Variants in MAP3K5 observed in about 807,000 individuals in gnomAD.
MAP3K5 encodes the protein mitogen-activated protein kinase kinase kinase 5.
MAP3K5 carries 56 observed loss-of-function variants against 158.7 expected under a neutral mutation model. The observed-to-expected ratio is 0.35, with a 90% confidence interval of 0.28 to 0.44. The LOEUF (loss-of-function observed/expected upper bound fraction) is 0.44, where lower values mean the gene tolerates loss of function less well. Ranked by LOEUF, MAP3K5 falls within the 20% of genes least tolerant of loss-of-function variation. MAP3K5 has a pLI of 1.00. For missense variants in MAP3K5, 1,294 were observed against 1,674.8 expected (o/e 0.77, Z 3.97); for synonymous variants, 579 against 601.7 (o/e 0.96, Z 0.55).
chr6:136,785,424 C>G (rs556474607), intron 1 of MAP3K5, among the ~76,000 whole-genome samples: 1 of 152,278 alleles, frequency 6.6e-6, no homozygotes, highest in African/African-American at 2.4e-5. Context: ...GGGTGAAAGG[C>G]TGAGTAAGCG....
At chr6:136,723,957 C>T (rs1284190698) in intron 1 of MAP3K5, among the ~76,000 whole-genome samples, 1 of 152,120 alleles carries the variant, frequency 6.6e-6, no homozygotes, top group African/African-American at 2.4e-5. Context: ...GCATCCTACC[C>T]ACACAGCCCA....
At chr6:136,710,905 C>T (rs1562635221) in intron 2 of MAP3K5, among the ~76,000 whole-genome samples, 2 of 152,156 alleles carry the variant, frequency 1.3e-5, no homozygotes, top group South Asian at 4.1e-4. Context: ...CCCTATACTC[C>T]TCAGCTCCAT....
chr6:136,619,430 T>C (rs1046430255), intron 15 of MAP3K5, among the ~76,000 whole-genome samples: 1 of 152,168 alleles, frequency 6.6e-6, no homozygotes, highest in African/African-American at 2.4e-5. Flanking sequence ...TAAAAATAGA[T>C]GTTATTTCTT....
At chr6:136,661,229 A>G (rs1778992096) in intron 8 of MAP3K5, among the ~76,000 whole-genome samples, 1 of 152,176 alleles carries the variant, frequency 6.6e-6, no homozygotes, top group Admixed American at 6.5e-5. Flanking sequence ...TTTTTATCGT[A>G]TAATTCCACT....
At chr6:136,704,088 A>T (rs1780966866) in intron 3 of MAP3K5, among the ~76,000 whole-genome samples, 1 of 151,202 alleles carries the variant, frequency 6.6e-6, no homozygotes, top group African/African-American at 2.5e-5. Flanking sequence ...TCATGTTTTC[A>T]CATTTGTTTA....
chr6:136,587,668 C>T (rs958216521), intron 23 of MAP3K5, among the ~76,000 whole-genome samples: 3 of 152,138 alleles, frequency 2.0e-5, no homozygotes, highest in African/African-American at 7.2e-5. Flanking sequence ...GAAAGGATTC[C>T]CAACATCCTT....
At chr6:136,605,459 A>G (rs1417793113) in intron 18 of MAP3K5, 93 bp from the exon 19 acceptor site, 3 of 1,030,722 alleles carry the variant, frequency 2.9e-6, no homozygotes, top group African/African-American at 1.6e-5. Flanking sequence ...AACAGAAATG[A>G]GACAACTGTA....
At chr6:136,741,816 T>C (rs1319113411) in intron 1 of MAP3K5, among the ~76,000 whole-genome samples, 4 of 152,174 alleles carry the variant, frequency 2.6e-5, no homozygotes, top group Non-Finnish European at 5.9e-5. Context: ...TCAAGATTAA[T>C]ATGCAAAAGT....
At chr6:136,780,220 T>G (rs1241343468) in intron 1 of MAP3K5, among the ~76,000 whole-genome samples, 1 of 152,238 alleles carries the variant, frequency 6.6e-6, no homozygotes, top group Non-Finnish European at 1.5e-5. Context: ...TATTACCTTA[T>G]GCAAAACTGA....
At chr6:136,565,966 G>C (rs1774086913) in intron 26 of MAP3K5, among the ~76,000 whole-genome samples, 1 of 152,188 alleles carries the variant, frequency 6.6e-6, no homozygotes, top group Non-Finnish European at 1.5e-5. Context: ...ACATACTAAT[G>C]TAATAAAGAA....
chr6:136,759,787 C>G (rs12212743), intron 1 of MAP3K5, among the ~76,000 whole-genome samples: 25,409 of 113,924 alleles, frequency 0.22, 2,940 homozygotes, highest in East Asian at 0.34. Flanking sequence ...TTTTTTGGAG[C>G]AACATGGCTG....
At chr6:136,595,450 T>C (rs1029517599) in intron 21 of MAP3K5, among the ~76,000 whole-genome samples, 4 of 152,160 alleles carry the variant, frequency 2.6e-5, no homozygotes, top group African/African-American at 9.7e-5. Context: ...TTGAGTCCCC[T>C]TCTCTATTAG....
At position 136,791,913 on chromosome 6, in the gene MAP3K5, C is replaced by G; in HGVS notation, c.245G>C (p.Ser82Thr). ...CCGTCGGCTGCCCCCGCCAACAGAG[C>G]TGCCCCGGCCTCGGGTGGCACTGCT... The part of the protein sequence containing the change: ...SSSSATRGRG[S>T]SVGGGSRRTT... The change falls in exon 1 of 30, where the codon AGC (serine) becomes ACC (threonine). Residue 82 changes from serine to threonine, a missense_variant. Around this residue, in one of 5 missense-constraint regions of MAP3K5, gnomAD observed 690 missense variants for 870.5 expected, o/e 0.79. Coordinates refer to ENST00000359015, the MANE Select transcript of MAP3K5 (RefSeq NM_005923.4). 6.2e-7 allele frequency: 1 copy of G among 1,613,018 alleles called. No individual in the cohort carries two copies. The highest frequency in any genetic ancestry group is 8.5e-7 in the Non-Finnish European group (1 of 1,179,856).
At chr6:136,668,810 C>A (rs954189072) in intron 8 of MAP3K5, among the ~76,000 whole-genome samples, 2 of 152,148 alleles carry the variant, frequency 1.3e-5, no homozygotes, top group African/African-American at 4.8e-5. Context: ...TTTGCTTAAC[C>A]TGTTGCTCCT....
intron 1 of MAP3K5, among the ~76,000 whole-genome samples, chr6:136,728,968 A>AG: frequency 9.1e-6 from 1 of 109,674 alleles, no homozygotes; most frequent in Middle Eastern, 4.8e-3. Flanking sequence ...GGGACAGAAC[A>AG]GAAAAAAAGG....
chr6:136,779,292 A>T (rs1013087260), intron 1 of MAP3K5, among the ~76,000 whole-genome samples: 1 of 151,856 alleles, frequency 6.6e-6, no homozygotes, highest in African/African-American at 2.4e-5. Context: ...AAACATAAAA[A>T]ATTAGCCCAG....
At chr6:136,625,658 T>C (rs1381652402) in intron 14 of MAP3K5, among the ~76,000 whole-genome samples, 1 of 152,204 alleles carries the variant, frequency 6.6e-6, no homozygotes, top group Non-Finnish European at 1.5e-5. Flanking sequence ...CTGGAGTGCC[T>C]GGCAGAAACA....
intron 1 of MAP3K5, 131 bp downstream of exon 1, chr6:136,791,579 G>A: frequency 2.1e-6 from 2 of 955,836 alleles, no homozygotes; most frequent in Non-Finnish European, 1.6e-6. Context: ...CAGTCACGCA[G>A]CGGCGCTCGC....
intron 14 of MAP3K5, among the ~76,000 whole-genome samples, chr6:136,629,967 G>T (rs1474351337): frequency 6.6e-6 from 1 of 151,798 alleles, no homozygotes; most frequent in Non-Finnish European, 1.5e-5. Context: ...AGCCAGGTTG[G>T]TCTCAAACTC....
Sources: gnomAD v4.1 joint callset for allele counts (sites outside exome capture counted in the v4.1 genomes callset) on GRCh38, gnomAD v4.1.1 for gene constraint, gnomAD v4.1.1 regional missense constraint, MANE v1.5 for transcripts, NCBI Gene and HGNC (gene_info 2026-07-23, HGNC 2026-07-21) for gene names.